SYNPR: variants seen among roughly 807,000 people sequenced by gnomAD.
The protein encoded by SYNPR is synaptoporin.
SYNPR carries 23 observed loss-of-function variants against 32.9 expected under a neutral mutation model. The ratio of observed to expected loss-of-function variants is 0.70; its 90% CI spans 0.50 to 0.99. The LOEUF (loss-of-function observed/expected upper bound fraction) is 0.99. SYNPR is among the 50% of genes least tolerant of loss of function. The probability of loss-of-function intolerance (pLI) is 0.00; values close to 1 mark genes in which losing one functional copy is unlikely to be tolerated. For synonymous variants in SYNPR, 146 were observed against 135.9 expected (o/e 1.07, Z -0.52); for missense variants, 318 against 349.3 (o/e 0.91, Z 0.71).
chr3:63,394,085 C>T (rs955714282), intron 2 of SYNPR, among the ~76,000 whole-genome samples: 3 of 152,138 alleles, frequency 2.0e-5, no homozygotes, highest in Admixed American at 2.0e-4. Context: ...TTAGCCAATA[C>T]TTCCCCCCTA....
rs1391637082 is a variant in SYNPR at position 63,552,519 on chromosome 3, T to A, written c.210-4024T>A. On this transcript the variant is annotated intron_variant, in intron 3 of 5. Coordinates refer to ENST00000478300, the MANE Select transcript of SYNPR (RefSeq NM_001130003.2). ...GATTTTTGTGGGAAAGTGCAATATA[T>A]ACAAGCAAAAACAAATGGACTTGAG... Among the ~76,000 whole-genome samples, 3 of 152,146 alleles carry A rather than the reference T, an allele frequency of 2.0e-5. No homozygotes were observed. The East Asian group carries it at 5.8e-4, about 29-fold the overall frequency.
chr3:63,596,993 A>T (rs1699972000), intron 4 of SYNPR, among the ~76,000 whole-genome samples: 1 of 152,150 alleles, frequency 6.6e-6, no homozygotes, highest in Admixed American at 6.6e-5. Context: ...AAAAAAGTAA[A>T]ATGGCATACT....
At chr3:63,573,292 A>C (rs1031542823) in intron 4 of SYNPR, among the ~76,000 whole-genome samples, 39 of 152,188 alleles carry the variant, frequency 2.6e-4, no homozygotes, top group Admixed American at 1.6e-3. Context: ...TGAAGGGACA[A>C]TTGAGAATTA....
In SYNPR at chr3:63,498,948, T is replaced by TA. The variant is rs11328669; in HGVS notation, c.209+18007dup. On this transcript the variant is annotated intron_variant, in intron 3 of 5. Coordinates refer to ENST00000478300, the MANE Select transcript of SYNPR (RefSeq NM_001130003.2). ...GGGCAACATAGTGGGACCTCACCTC[T>TA]AAAAAAAAAAAAAAAGAATAAAAAA... 9.2e-4 allele frequency among the ~76,000 whole-genome samples: 101 copies of TA among 109,578 alleles called. 1 individual carries two copies. Among genetic ancestry groups the TA allele is most frequent in the South Asian group, 6.3e-3 (21 of 3,308 alleles). The allele number at this position is 109,578 out of a possible 152,430, so 71.9% of individuals were successfully genotyped here. A position where few individuals can be genotyped will look rare whatever the true frequency, so the allele number is the denominator to read the frequency against.
At chr3:63,257,094 T>C (rs1033863369) in intron 2 of SYNPR, among the ~76,000 whole-genome samples, 17 of 152,194 alleles carry the variant, frequency 1.1e-4, no homozygotes, top group Non-Finnish European at 2.5e-4. Flanking sequence ...CTATATCTGA[T>C]TGGTGTACCT....
At chr3:63,340,621 G>A (rs546237764) in intron 2 of SYNPR, among the ~76,000 whole-genome samples, 21 of 151,342 alleles carry the variant, frequency 1.4e-4, no homozygotes, top group Admixed American at 8.6e-4. Flanking sequence ...GGGTTTCACC[G>A]TTTTAGCCGG....
chr3:63,375,498 A>G (rs1355941013), intron 2 of SYNPR, among the ~76,000 whole-genome samples: 1 of 151,996 alleles, frequency 6.6e-6, no homozygotes, highest in African/African-American at 2.4e-5. Flanking sequence ...GCATGTTCTC[A>G]CTCGTAGGTG....
chr3:63,592,361 A>T (rs181504477), intron 4 of SYNPR, among the ~76,000 whole-genome samples: 298 of 152,246 alleles, frequency 2.0e-3, no homozygotes, highest in African/African-American at 6.3e-3. Flanking sequence ...ATATAACGAG[A>T]TTAAAACAAA....
At chr3:63,587,083 A>G (rs1703198281) in intron 4 of SYNPR, among the ~76,000 whole-genome samples, 1 of 152,012 alleles carries the variant, frequency 6.6e-6, no homozygotes, top group Non-Finnish European at 1.5e-5. Flanking sequence ...ATTTAACCTC[A>G]ACAGAGTGAT....
At chr3:63,209,270 A>G in the SYNPR span, among the ~76,000 whole-genome samples, 10 of 145,014 alleles carry the variant, frequency 6.9e-5, no homozygotes. Flanking sequence ...GCGAGCAGAG[A>G]TCGCGCCACT....
At chr3:63,603,423 G>C (rs777846134) in intron 4 of SYNPR, among the ~76,000 whole-genome samples, 1 of 152,152 alleles carries the variant, frequency 6.6e-6, no homozygotes, top group African/African-American at 2.4e-5. Flanking sequence ...TCTTGTTCTG[G>C]TTTTCAAGGG....
rs375650008 is a variant in SYNPR, at chr3:63,517,303, T to C, written c.209+36347T>C. ...GGGAGATACTAATGCTTGAGATTCA[T>C]TGTGGCGGCTAAATGAGCTAATGTG... On this transcript the variant is annotated intron_variant, in intron 3 of 5. Transcript: ENST00000478300. 8.5e-5 allele frequency among the ~76,000 whole-genome samples: 13 copies of C among 152,244 alleles called. 1 individual carries two copies. In the South Asian group the frequency reaches 1.0e-3, roughly 12 times the overall value.
chr3:63,615,320 G>C lies in SYNPR; in HGVS notation c.697G>C (p.Asp233His), dbSNP rs753828081. 1.9e-6 allele frequency: 3 copies of C among 1,613,848 alleles called. No homozygotes were observed. Among genetic ancestry groups the C allele is most frequent in the South Asian group, 1.1e-5 (1 of 91,066 alleles). The change falls in exon 6 of 6, where the codon GAT becomes CAT. Residue 233 changes from aspartate (D) to histidine (H), a missense_variant. Asp to His is a moderately conservative substitution (Grantham distance 81, BLOSUM62 -1). Transcript: ENST00000478300. ...TTCTTCGGGACAGAGATATCTTTCAGATCCAATGGAGAAGCACTCCAGCAG... is the reference window on the plus strand; with the variant it reads ...TTCTTCGGGACAGAGATATCTTTCACATCCAATGGAGAAGCACTCCAGCAG... ...WHSSGQRYLS[D>H]PMEKHSSSYN...
chr3:63,248,489 T>C (rs1051189799), intron 1 of SYNPR, among the ~76,000 whole-genome samples: 1 of 152,062 alleles, frequency 6.6e-6, no homozygotes, highest in South Asian at 2.1e-4. Context: ...ATATAATAAA[T>C]GGACACAGAG....
chr3:63,538,986 G>A (rs1702255643), intron 3 of SYNPR, among the ~76,000 whole-genome samples: 1 of 152,022 alleles, frequency 6.6e-6, no homozygotes, highest in African/African-American at 2.4e-5. Flanking sequence ...CAGGAGCCTA[G>A]CTAACTATAT....
intron 2 of SYNPR, among the ~76,000 whole-genome samples, chr3:63,446,144 C>T (rs1035796518): frequency 6.6e-6 from 1 of 152,056 alleles, no homozygotes; most frequent in Non-Finnish European, 1.5e-5. Context: ...AATAAAGATG[C>T]GATGACAGCT....
At chr3:63,317,787 T>C (rs982914933) in intron 2 of SYNPR, among the ~76,000 whole-genome samples, 4 of 152,182 alleles carry the variant, frequency 2.6e-5, no homozygotes, top group Middle Eastern at 3.4e-3. Context: ...GTTACTTGTA[T>C]ACTTTGTGGT....
intron 2 of SYNPR, among the ~76,000 whole-genome samples, chr3:63,478,797 A>G (rs983387094): frequency 3.3e-5 from 5 of 152,212 alleles, no homozygotes; most frequent in Admixed American, 2.0e-4. Flanking sequence ...TTGCCACGGC[A>G]TGGGGCTTTC....
upstream of SYNPR, among the ~76,000 whole-genome samples, chr3:63,226,621 G>A (rs1005409159): frequency 2.0e-5 from 3 of 152,156 alleles, no homozygotes; most frequent in Admixed American, 2.0e-4. Flanking sequence ...AATACCTCAT[G>A]TTCTCACTCA....
Sources: allele counts gnomAD v4.1 joint callset (sites outside exome capture counted in the v4.1 genomes callset), GRCh38; gene constraint gnomAD v4.1.1; transcripts MANE v1.5; gene names NCBI Gene and HGNC (gene_info 2026-07-23, HGNC 2026-07-21).